The following SIK3 variants were observed in gnomAD, a reference collection of about 807,000 sequenced individuals.
The protein encoded by SIK3 is SIK family kinase 3.
A neutral mutation model predicts 144.2 loss-of-function variants in SIK3; 28 were observed. The ratio of observed to expected loss-of-function variants is 0.19; its 90% CI spans 0.14 to 0.27. The LOEUF (loss-of-function observed/expected upper bound fraction) is 0.27. Ranked by LOEUF, SIK3 falls within the 10% of genes least tolerant of loss-of-function variation. The pLI is 1.00. For synonymous variants in SIK3, 686 were observed against 676.3 expected (o/e 1.01, Z -0.22); for missense variants, 1,319 against 1,776.0 (o/e 0.74, Z 4.62).
intron 3 of SIK3, among the ~76,000 whole-genome samples, chr11:116,941,268 A>T (rs1948285277): frequency 6.6e-6 from 1 of 152,160 alleles, no homozygotes; most frequent in Admixed American, 6.5e-5. Flanking sequence ...AGCCTCCCAA[A>T]GTGCTGGGAT....
At chr11:117,005,905 C>T (rs10892058) in intron 1 of SIK3, among the ~76,000 whole-genome samples, 67,463 of 151,766 alleles carry the variant, frequency 0.44, 18,192 homozygotes, top group Non-Finnish European at 0.62. Context: ...TATTAGTGAA[C>T]AGAAGAATCT....
intron 15 of SIK3, chr11:116,864,504 A>G (rs1451031108): frequency 1.3e-5 from 2 of 152,490 alleles, no homozygotes; most frequent in South Asian, 2.1e-4. Flanking sequence ...TGAAAGAGGA[A>G]TCATATGGAT....
At chr11:116,968,494 T>C (rs1355465567) in intron 1 of SIK3, among the ~76,000 whole-genome samples, 2 of 152,124 alleles carry the variant, frequency 1.3e-5, no homozygotes, top group Admixed American at 1.3e-4. Context: ...ATAAACAACA[T>C]TGCCATAGAA....
intron 23 of SIK3, 88 bp downstream of exon 23, chr11:116,847,388 T>G (rs975108503): frequency 6.4e-7 from 1 of 1,572,374 alleles, no homozygotes. Context: ...CCATGAGCTC[T>G]TCCTACGAAG....
At chr11:116,978,216 A>G (rs1950021356) in intron 1 of SIK3, among the ~76,000 whole-genome samples, 1 of 152,068 alleles carries the variant, frequency 6.6e-6, no homozygotes. Context: ...TCCGTCTCAA[A>G]AAAAAAAAAT....
At chr11:117,011,962 C>G (rs1024336882) in intron 1 of SIK3, among the ~76,000 whole-genome samples, 7 of 152,000 alleles carry the variant, frequency 4.6e-5, no homozygotes, top group Non-Finnish European at 7.4e-5. Flanking sequence ...TCAATACAAG[C>G]CCAATCTGGT....
At chr11:116,872,320 C>T (rs954479773) in intron 13 of SIK3, among the ~76,000 whole-genome samples, 3 of 152,248 alleles carry the variant, frequency 2.0e-5, no homozygotes, top group Non-Finnish European at 4.4e-5. Context: ...AGTCACCCCA[C>T]GTCCCATAAA....
chr11:116,947,160 A>G (rs1948648481), intron 3 of SIK3, among the ~76,000 whole-genome samples: 1 of 138,380 alleles, frequency 7.2e-6, no homozygotes. Flanking sequence ...ATAATATATT[A>G]TATATAAATT....
At chr11:116,945,865 C>T (rs1040236055) in intron 3 of SIK3, among the ~76,000 whole-genome samples, 2 of 152,132 alleles carry the variant, frequency 1.3e-5, no homozygotes, top group Admixed American at 6.6e-5. Context: ...CTCTCTCATT[C>T]CTCCCTGCAG....
intron 1 of SIK3, among the ~76,000 whole-genome samples, chr11:117,089,586 C>CA: frequency 6.6e-6 from 1 of 151,996 alleles, no homozygotes; most frequent in Non-Finnish European, 1.5e-5. Flanking sequence ...ATTTCTTCTC[C>CA]AAAAAATTCC....
chr11:117,029,314 G>A (rs1952157739), intron 1 of SIK3, among the ~76,000 whole-genome samples: 1 of 151,984 alleles, frequency 6.6e-6, no homozygotes, highest in Admixed American at 6.5e-5. Context: ...AAAATTAGCT[G>A]GGCATGGTGG....
chr11:117,087,425 A>T (rs1955064378), intron 1 of SIK3, among the ~76,000 whole-genome samples: 1 of 151,634 alleles, frequency 6.6e-6, no homozygotes, highest in Non-Finnish European at 1.5e-5. Context: ...CCTGGGTGAC[A>T]GAGCAAGACT....
chr11:116,951,450 T>C (rs1948931572), intron 3 of SIK3, among the ~76,000 whole-genome samples: 1 of 152,182 alleles, frequency 6.6e-6, no homozygotes, highest in African/African-American at 2.4e-5. Context: ...TGTGTTACAA[T>C]ATATAATTAT....
At chr11:116,980,744 A>G (rs1487219013) in intron 1 of SIK3, among the ~76,000 whole-genome samples, 8 of 152,032 alleles carry the variant, frequency 5.3e-5, no homozygotes, top group Admixed American at 5.2e-4. Context: ...CCTAGCTACT[A>G]GGGAGACTGA....
chr11:116,857,608 G>T, intron 21 of SIK3: 1 of 757,918 alleles, frequency 1.3e-6, no homozygotes, highest in Non-Finnish European at 2.0e-6. Flanking sequence ...TGTTAATTTT[G>T]TATCATGGTC....
At chr11:116,876,804 GT>G in intron 7 of SIK3, 119 bp downstream of exon 7, 1 of 773,734 alleles carries the variant, frequency 1.3e-6, no homozygotes, top group Non-Finnish European at 2.3e-6. Flanking sequence ...CTGCTTTAGT[GT>G]TACATAATAG....
rs12295468 is a variant in SIK3, at chr11:116,962,134, G to A, written c.274-5070C>T. 7.8e-3 allele frequency among the ~76,000 whole-genome samples: 1,182 copies of A among 152,184 alleles called. 14 individuals carry two copies. The highest frequency in any genetic ancestry group is 0.024 in the African/African-American group (1,007 of 41,506). ...GACACCATATTTGTAAGCAAGATAC[G>A]GCAACAGAGTAAAAGACAATGAACT... is the stretch of plus-strand genomic sequence containing the variant. On this transcript the variant is annotated intron_variant, in intron 1 of 24. Coordinates refer to ENST00000445177, the MANE Select transcript of SIK3 (RefSeq NM_001366686.3).
chr11:117,037,606 A>T (rs984149950), intron 1 of SIK3, among the ~76,000 whole-genome samples: 7 of 152,212 alleles, frequency 4.6e-5, no homozygotes, highest in African/African-American at 1.4e-4. Context: ...CCCCATGTTT[A>T]GACTCCTGTC....
intron 1 of SIK3, among the ~76,000 whole-genome samples, chr11:116,966,214 A>T (rs1949542589): frequency 6.6e-6 from 1 of 152,066 alleles, no homozygotes; most frequent in African/African-American, 2.4e-5. Flanking sequence ...CAACACAGCA[A>T]GACCCCCAAC....
Sources: allele counts gnomAD v4.1 joint callset (sites outside exome capture counted in the v4.1 genomes callset), GRCh38; gene constraint gnomAD v4.1.1; transcripts MANE v1.5; gene names NCBI Gene and HGNC (gene_info 2026-07-23, HGNC 2026-07-21).